Variants in WDR26 observed in about 807,000 individuals in gnomAD.
The protein encoded by WDR26 is WD repeat domain 26.
A neutral mutation model predicts 84.1 loss-of-function variants in WDR26; 5 were observed. The ratio of observed to expected loss-of-function variants is 0.06; its 90% confidence interval spans 0.03 to 0.13. The LOEUF (loss-of-function observed/expected upper bound fraction) is 0.13, where lower values mean the gene tolerates loss of function less well. WDR26 is among the 10% of genes least tolerant of loss of function. The probability of loss-of-function intolerance (pLI) is 1.00; values close to 1 mark genes in which losing one functional copy is unlikely to be tolerated. For missense variants in WDR26, 642 were observed against 974.9 expected (o/e 0.66, Z 4.55); for synonymous variants, 415 against 389.6 (o/e 1.07, Z -0.77).
At position 224,433,849 on chromosome 1, in the gene WDR26, G is replaced by A. The variant is rs1674497142; in HGVS notation, c.557C>T (p.Ala186Val). 5.2e-6 allele frequency: 8 copies of A among 1,536,838 alleles called. No individual in the cohort carries two copies. The highest frequency in any genetic ancestry group is 6.1e-6 in the Non-Finnish European group (7 of 1,146,786). The change falls in exon 1 of 14, where the codon GCC (alanine) becomes GTC (valine). Residue 186 changes from alanine (A) to valine (V), a missense_variant. Physicochemically the swap from Ala to Val is moderately conservative, Grantham distance 64. Transcript: ENST00000414423. ...AGCTGCGACGGTGGCTGAGGATGCG[G>A]CGGCCGCCCCGCCGGGAACCCCGTT...
At chr1:224,407,486 C>CATATAT (rs35396542) in intron 7 of WDR26, among the ~76,000 whole-genome samples, 35 of 143,100 alleles carry the variant, frequency 2.4e-4, no homozygotes, top group African/African-American at 8.0e-4. Flanking sequence ...TCAAAAAGGG[C>CATATAT]ATATATATAT....
rs1307212911 is a variant in WDR26 at position 224,387,008 on chromosome 1, C to T, written c.*2827G>A. On this transcript the variant is annotated 3_prime_UTR_variant, in exon 14 of 14. Coordinates refer to ENST00000414423, the MANE Select transcript of WDR26 (RefSeq NM_001379403.1). ...TAACCAATTATTTGGAGGAAAAAGA[C>T]ATTTAATTTTATATTTGCTCTAGCC... 6.6e-6 allele frequency: 1 copy of T among 152,536 alleles called. No individual in the cohort carries two copies. The highest frequency in any genetic ancestry group is 1.5e-5 in the Non-Finnish European group (1 of 68,008). The allele number at this position is 152,536 out of a possible 1,614,324, so 9.4% of individuals were successfully genotyped here.
Position 224,434,425 on chromosome 1 carries a change from G to T in WDR26, c.-20C>A. ...GGCCGTGGTGGGAAGCCGGTGGGGC[G>T]AGGCGGGGGAGGGGAGGCGGGGGCC... On this transcript the variant is annotated 5_prime_UTR_variant, in exon 1 of 14. Coordinates refer to ENST00000414423, the MANE Select transcript of WDR26 (RefSeq NM_001379403.1). The T allele has an allele frequency of 9.6e-7, 1 of 1,039,062 alleles. No homozygotes were observed. The allele number at this position is 1,039,062 out of a possible 1,614,324, so 64.4% of individuals were successfully genotyped here. A position where few individuals can be genotyped will look rare whatever the true frequency, so the allele number is the denominator to read the frequency against.
In WDR26 at chr1:224,415,453, CTTTTTTTTTT is replaced by C. The variant is rs149995544; in HGVS notation, c.1319+2797_1319+2806del. Reference sequence around the variant, plus strand: ...ACAATTCTGGAACACGTATTTCTTTCTTTTTTTTTTTTTTTTTTTTTTTTTGAGACGGAGT... The same window carrying C: ...ACAATTCTGGAACACGTATTTCTTTCTTTTTTTTTTTTTTTGAGACGGAGT... On this transcript the variant is annotated intron_variant, in intron 6 of 13. Coordinates refer to ENST00000414423, the MANE Select transcript of WDR26 (RefSeq NM_001379403.1). Among the ~76,000 whole-genome samples, 142 of 82,354 alleles carry C rather than the reference CTTTTTTTTTT, an allele frequency of 1.7e-3. 2 individuals carry two copies. Among genetic ancestry groups the C allele is most frequent in the African/African-American group, 6.6e-3 (136 of 20,592 alleles). 54.0% of individuals were successfully genotyped at this position (82,354 alleles called of 152,430 possible).
At position 224,429,003 on chromosome 1, in the gene WDR26, C is replaced by T. The variant is rs559516553; in HGVS notation, c.927+2474G>A. Among the ~76,000 whole-genome samples the T allele has an allele frequency of 2.0e-5, 3 of 151,962 alleles. No individual in the cohort carries two copies. In the East Asian group the frequency reaches 5.8e-4, roughly 30 times the overall value. ...TAAACAGCTGGTGCAGTGGTTCACA[C>T]CTGTAATCCCAGCACTTTGGAAGGC... On this transcript the variant is annotated intron_variant, in intron 3 of 13. Coordinates refer to ENST00000414423, the MANE Select transcript of WDR26 (RefSeq NM_001379403.1).
At chr1:224,426,527 G>C (rs994035377) in intron 3 of WDR26, among the ~76,000 whole-genome samples, 3 of 151,998 alleles carry the variant, frequency 2.0e-5, no homozygotes, top group Non-Finnish European at 1.5e-5. Context: ...AATGACTAAT[G>C]AATGTTTCAG....
At chr1:224,428,610 G>T (rs1039286234) in intron 3 of WDR26, among the ~76,000 whole-genome samples, 1 of 152,010 alleles carries the variant, frequency 6.6e-6, no homozygotes, top group African/African-American at 2.4e-5. Flanking sequence ...AAAAAATGCT[G>T]ATTTGGCCCG....
rs1183141626 is a variant in WDR26 at position 224,433,993 on chromosome 1, T to C, written c.413A>G (p.Gln138Arg). 3 of 1,521,954 alleles carry C rather than the reference T, an allele frequency of 2.0e-6. No individual in the cohort carries two copies. The Admixed American group carries it at 6.0e-5, about 30-fold the overall frequency. 94.3% of individuals were successfully genotyped at this position (1,521,954 alleles called of 1,614,324 possible). A position where few individuals can be genotyped will look rare whatever the true frequency, so the allele number is the denominator to read the frequency against. The change falls in exon 1 of 14, where the codon CAG becomes CGG. Residue 138 changes from glutamine to arginine, a missense_variant. Physicochemically the swap from Gln to Arg is conservative, Grantham distance 43 (BLOSUM62 1). Coordinates refer to ENST00000414423, the MANE Select transcript of WDR26 (RefSeq NM_001379403.1). The stretch of plus-strand genomic sequence containing the variant: ...CGACGAGGGGGACGACTCCCCGTTC[T>C]GGGCCGACAAGCAGGCGAGTTCCGG...
At chr1:224,391,289 G>A (rs1321929742) in intron 13 of WDR26, among the ~76,000 whole-genome samples, 2 of 149,838 alleles carry the variant, frequency 1.3e-5, no homozygotes, top group African/African-American at 2.5e-5. Context: ...CTTGAACCCA[G>A]GAGGCGGAGG....
At chr1:224,417,668 C>CAGG (rs1673947104) in intron 6 of WDR26, among the ~76,000 whole-genome samples, 1 of 152,202 alleles carries the variant, frequency 6.6e-6, no homozygotes, top group Admixed American at 6.5e-5. Flanking sequence ...CCACTGCACT[C>CAGG]TATCCTGGGC....
At chr1:224,394,351 A>T (rs1673202281) in intron 12 of WDR26, among the ~76,000 whole-genome samples, 1 of 152,234 alleles carries the variant, frequency 6.6e-6, no homozygotes, top group Non-Finnish European at 1.5e-5. Context: ...ATGGGAAGTG[A>T]CAGAAAAGCA....
intron 6 of WDR26, among the ~76,000 whole-genome samples, chr1:224,411,912 T>A (rs964991905): frequency 6.6e-6 from 1 of 151,914 alleles, no homozygotes; most frequent in Non-Finnish European, 1.5e-5. Context: ...GAGGGGGAAG[T>A]ATTGCTTGAG....
intron 7 of WDR26, among the ~76,000 whole-genome samples, chr1:224,410,265 G>C (rs1329865440): frequency 1.6e-5 from 2 of 123,166 alleles, no homozygotes; most frequent in African/African-American, 6.2e-5. Context: ...TGGGGGACAA[G>C]AGCGAGACTT....
rs992235713 is a variant in WDR26, at chr1:224,401,183, G to C, written c.1600-114C>G. 4.9e-5 allele frequency: 51 copies of C among 1,032,714 alleles called. No individual in the cohort carries two copies. In the African/African-American group the frequency reaches 7.9e-4, roughly 16 times the overall value. The allele number at this position is 1,032,714 out of a possible 1,614,324, so 64.0% of individuals were successfully genotyped here. ...CTGGTTTCCCAGTTCATTCTAAGTA[G>C]AGTAATGAATTAAGTGACCCTACAA... is the stretch of plus-strand genomic sequence containing the variant. On this transcript the variant is annotated intron_variant, in intron 8 of 13. Coordinates refer to ENST00000414423, the MANE Select transcript of WDR26 (RefSeq NM_001379403.1).
At chr1:224,407,151 A>AAAAAAAAAAAAAATATATAT in intron 7 of WDR26, among the ~76,000 whole-genome samples, 2 of 11,868 alleles carry the variant, frequency 1.7e-4, no homozygotes, top group East Asian at 2.1e-3. Flanking sequence ...AAAAAAAAAA[A>AAAAAAAAAAAAAATATATAT]ATATATATAT....
intron 3 of WDR26, among the ~76,000 whole-genome samples, chr1:224,427,726 T>C (rs1224232715): frequency 1.3e-5 from 2 of 152,192 alleles, no homozygotes; most frequent in South Asian, 2.1e-4. Flanking sequence ...AAAAAATCAG[T>C]TGAAGTATTT....
In WDR26 at chr1:224,386,339, G is replaced by A. The variant is rs1370972969; in HGVS notation, c.*3496C>T. 2 of 152,560 alleles carry A rather than the reference G, an allele frequency of 1.3e-5. No homozygotes were observed. The highest frequency in any genetic ancestry group is 1.3e-4 in the Admixed American group (2 of 15,272). 9.5% of individuals were successfully genotyped at this position (152,560 alleles called of 1,614,324 possible). A position where few individuals can be genotyped will look rare whatever the true frequency, so the allele number is the denominator to read the frequency against. ...TACATTTTAGAGATGGGACAAAAAGGATATTAAGAAAAATGTCTTCTTTCC... is the reference window on the plus strand; with the variant it reads ...TACATTTTAGAGATGGGACAAAAAGAATATTAAGAAAAATGTCTTCTTTCC... On this transcript the variant is annotated 3_prime_UTR_variant, in exon 14 of 14. Coordinates refer to ENST00000414423, the MANE Select transcript of WDR26 (RefSeq NM_001379403.1).
intron 8 of WDR26, among the ~76,000 whole-genome samples, chr1:224,403,958 C>G (rs1673488199): frequency 6.6e-6 from 1 of 152,092 alleles, no homozygotes; most frequent in Non-Finnish European, 1.5e-5. Flanking sequence ...AACAAACGAA[C>G]AAACCAAGCA....
In WDR26 at chr1:224,434,243, A is replaced by C. The variant is rs1674530145; in HGVS notation, c.163T>G (p.Ser55Ala). 1 of 1,376,258 alleles carries C rather than the reference A, an allele frequency of 7.3e-7. No individual in the cohort carries two copies. Among genetic ancestry groups the C allele is most frequent in the African/African-American group, 1.5e-5 (1 of 66,616 alleles). 85.3% of individuals were successfully genotyped at this position (1,376,258 alleles called of 1,614,324 possible). A position where few individuals can be genotyped will look rare whatever the true frequency, so the allele number is the denominator to read the frequency against. ...GAGGAGGAGGACGAGGACGACGAGGACGGAGGGGAGAGGCCTGCTCTGCCT... is the reference window on the plus strand; with the variant it reads ...GAGGAGGAGGACGAGGACGACGAGGCCGGAGGGGAGAGGCCTGCTCTGCCT... The change falls in exon 1 of 14, where the codon TCC (serine) becomes GCC (alanine). Residue 55 changes from serine to alanine, a missense_variant. By Grantham distance (99) the Ser-to-Ala change is moderately conservative (BLOSUM62 1). This residue lies in a region of WDR26 where 291 missense variants were observed against 302.1 expected (regional missense o/e 0.96). Coordinates refer to ENST00000414423, the MANE Select transcript of WDR26 (RefSeq NM_001379403.1).
Sources: gnomAD v4.1 joint callset for allele counts (sites outside exome capture counted in the v4.1 genomes callset) on GRCh38, gnomAD v4.1.1 for gene constraint, gnomAD v4.1.1 regional missense constraint, MANE v1.5 for transcripts, NCBI Gene and HGNC (gene_info 2026-07-23, HGNC 2026-07-21) for gene names.